RIMS2: variants seen among roughly 807,000 people sequenced by gnomAD.
RIMS2 encodes the protein regulating synaptic membrane exocytosis protein 2.
Under a neutral mutation model 174.4 loss-of-function variants are expected in RIMS2, and 59 were observed. That is an observed-to-expected ratio of 0.34 (90% confidence interval 0.27 to 0.42). The LOEUF is 0.42. Among genes scored for constraint, RIMS2 ranks in the 10% least tolerant of loss-of-function variants. The pLI, the probability that RIMS2 is intolerant of heterozygous loss-of-function variation, is 1.00. For missense variants in RIMS2, 1,620 were observed against 1,666.3 expected (o/e 0.97, Z 0.48); for synonymous variants, 606 against 572.5 (o/e 1.06, Z -0.84).
chr8:103,915,234 T>C (rs2076437071), intron 6 of RIMS2, among the ~76,000 whole-genome samples: 1 of 152,046 alleles, frequency 6.6e-6, no homozygotes, highest in Non-Finnish European at 1.5e-5. Flanking sequence ...AAATTACCAA[T>C]TGTTATGTTG....
intron 13 of RIMS2, among the ~76,000 whole-genome samples, chr8:103,937,920 C>T (rs1333488466): frequency 6.6e-6 from 1 of 152,172 alleles, no homozygotes; most frequent in Non-Finnish European, 1.5e-5. Flanking sequence ...ACAGTCATAG[C>T]TCACTGCTGC....
chr8:103,552,437 CA>C (rs1848432022), intron 1 of RIMS2, among the ~76,000 whole-genome samples: 1 of 152,116 alleles, frequency 6.6e-6, no homozygotes. Context: ...ATACCTTATA[CA>C]AAAATTAATT....
rs73284497 is a variant in RIMS2 at position 103,666,848 on chromosome 8, T to C, written c.177-30238T>C. ...GCATTAGCACTACTCTTAGTTACCA[T>C]CATTTAGGGTTTCCAGTCACAGTGT... On this transcript the variant is annotated intron_variant, in intron 1 of 23. Coordinates refer to ENST00000504942, the Ensembl canonical transcript of RIMS2. Among the ~76,000 whole-genome samples, 710 of 152,276 alleles carry C rather than the reference T, an allele frequency of 4.7e-3. 8 individuals are homozygous for C. Among genetic ancestry groups the C allele is most frequent in the African/African-American group, 0.016 (672 of 41,568 alleles).
At chr8:103,853,044 T>A (rs577646184) in intron 3 of RIMS2, among the ~76,000 whole-genome samples, 1 of 152,226 alleles carries the variant, frequency 6.6e-6, no homozygotes, top group African/African-American at 2.4e-5. Context: ...TGTTCCCTTT[T>A]CTCCACAGTC....
chr8:103,547,095 A>G (rs1003530167), intron 1 of RIMS2, among the ~76,000 whole-genome samples: 1 of 152,232 alleles, frequency 6.6e-6, no homozygotes, highest in African/African-American at 2.4e-5. Context: ...CTTAGTTTAC[A>G]GAGGTAAAAG....
At chr8:104,237,349 T>G (rs2099263973) in intron 19 of RIMS2, among the ~76,000 whole-genome samples, 3 of 152,146 alleles carry the variant, frequency 2.0e-5, no homozygotes, top group Non-Finnish European at 4.4e-5. Flanking sequence ...CACAAAAAAT[T>G]TATGTCTCAC....
chr8:103,654,757 G>C (rs1564172625), intron 1 of RIMS2, among the ~76,000 whole-genome samples: 2 of 151,796 alleles, frequency 1.3e-5, no homozygotes, highest in African/African-American at 2.4e-5. Flanking sequence ...CTTCCTATCT[G>C]CTTACTTTCT....
At position 103,980,876 on chromosome 8, in the gene RIMS2, T is replaced by C. The variant is rs1406201271; in HGVS notation, c.2927+5370T>C. On this transcript the variant is annotated intron_variant, in intron 16 of 23. Coordinates refer to ENST00000504942, the Ensembl canonical transcript of RIMS2. The stretch of plus-strand genomic sequence containing the variant: ...GGGGAGGGAAGAGCAGGAAGGACTT[T>C]ATATTGTGGTTTGAGTGCCACCTTA... Among the ~76,000 whole-genome samples the C allele has an allele frequency of 1.4e-4, 21 of 152,226 alleles. No individual in the cohort carries two copies. In the East Asian group the frequency reaches 3.3e-3, roughly 24 times the overall value.
At chr8:103,671,099 G>A (rs879036236) in intron 1 of RIMS2, among the ~76,000 whole-genome samples, 1 of 152,122 alleles carries the variant, frequency 6.6e-6, no homozygotes, top group Admixed American at 6.5e-5. Flanking sequence ...ATGGTGGCAG[G>A]CAAAGAGAAA....
At chr8:103,713,836 T>G (rs542466656) in intron 2 of RIMS2, among the ~76,000 whole-genome samples, 1 of 152,334 alleles carries the variant, frequency 6.6e-6, no homozygotes, top group South Asian at 2.1e-4. Flanking sequence ...AGGCATGAGC[T>G]TCACTCCATT....
At chr8:103,511,401 A>G (rs1280953059) in intron 1 of RIMS2, among the ~76,000 whole-genome samples, 1 of 152,222 alleles carries the variant, frequency 6.6e-6, no homozygotes, top group African/African-American at 2.4e-5. Context: ...TTTATATTCC[A>G]GTATGAATAA....
chr8:104,073,266 T>G (rs2097226029), intron 19 of RIMS2, among the ~76,000 whole-genome samples: 1 of 152,166 alleles, frequency 6.6e-6, no homozygotes, highest in Non-Finnish European at 1.5e-5. Context: ...TAATGCTTAT[T>G]TAAACATATG....
intron 17 of RIMS2, chr8:103,998,332 G>C: frequency 1.1e-6 from 1 of 878,384 alleles, no homozygotes; most frequent in Non-Finnish European, 1.8e-6. Context: ...TTTTATTTCT[G>C]TTTTTATGTA....
At chr8:103,913,605 T>A (rs1415492457) in intron 6 of RIMS2, among the ~76,000 whole-genome samples, 2 of 151,866 alleles carry the variant, frequency 1.3e-5, no homozygotes, top group Non-Finnish European at 2.9e-5. Flanking sequence ...AGAAAAGAGG[T>A]TTAATCAGCT....
intron 3 of RIMS2, among the ~76,000 whole-genome samples, chr8:103,815,794 TAGTTCATACTG>T (rs1306750219): frequency 6.6e-6 from 1 of 152,210 alleles, no homozygotes; most frequent in African/African-American, 2.4e-5. Flanking sequence ...ATTCCTTAAA[TAGTTCATACTG>T]AGTTTACTTC....
In RIMS2 at chr8:104,152,515, G is replaced by T. The variant is rs539455189; in HGVS notation, c.3335-92401G>T. 1.8e-3 allele frequency among the ~76,000 whole-genome samples: 274 copies of T among 151,888 alleles called. 1 individual carries two copies. Among genetic ancestry groups the T allele is most frequent in the African/African-American group, 6.2e-3 (256 of 41,430 alleles). On this transcript the variant is annotated intron_variant, in intron 19 of 23. Transcript: ENST00000504942. ...CATATGTATATGTGTTCAAAATAAG[G>T]TTTTAATTATGCTTTATTTTCTTAA... is the stretch of plus-strand genomic sequence containing the variant.
At chr8:104,230,110 T>TA (rs2099216743) in intron 19 of RIMS2, among the ~76,000 whole-genome samples, 1 of 151,830 alleles carries the variant, frequency 6.6e-6, no homozygotes, top group Non-Finnish European at 1.5e-5. Context: ...AGAAACCCTG[T>TA]CTCTACTAAA....
At chr8:103,929,625 A>G (rs1307382506) in intron 11 of RIMS2, among the ~76,000 whole-genome samples, 1 of 151,898 alleles carries the variant, frequency 6.6e-6, no homozygotes, top group Non-Finnish European at 1.5e-5. Context: ...AATAGAGAAT[A>G]CCATAGAAAT....
chr8:103,672,396 A>G (rs1400281681), intron 1 of RIMS2, among the ~76,000 whole-genome samples: 2 of 152,084 alleles, frequency 1.3e-5, no homozygotes, highest in African/African-American at 2.4e-5. Flanking sequence ...ATTTATAAAC[A>G]AAATAGTTTT....
Sources: allele counts gnomAD v4.1 joint callset (sites outside exome capture counted in the v4.1 genomes callset), GRCh38; gene constraint gnomAD v4.1.1; transcripts MANE v1.5; gene names NCBI Gene and HGNC (gene_info 2026-07-23, HGNC 2026-07-21).